The following CSMD1 variants were observed in gnomAD, a reference collection of about 807,000 sequenced individuals.
CSMD1 encodes CUB and sushi domain-containing protein 1.
Under a neutral mutation model 417.5 loss-of-function variants are expected in CSMD1, and 213 were observed. The ratio of observed to expected loss-of-function variants is 0.51; its 90% CI spans 0.46 to 0.57. The LOEUF is 0.57. Among genes scored for constraint, CSMD1 ranks in the 20% least tolerant of loss-of-function variants. The pLI is 0.00. For missense variants in CSMD1, 6,923 were observed against 4,529.7 expected, an observed-to-expected ratio of 1.53 and a Z score of -15.17; for synonymous variants, 2,862 against 1,736.8, an observed-to-expected ratio of 1.65 and a Z score of -16.11.
chr8:4,477,210 G>C (rs949370303), intron 2 of CSMD1, among the ~76,000 whole-genome samples: 2 of 152,116 alleles, frequency 1.3e-5, no homozygotes, highest in East Asian at 3.9e-4. Context: ...CCCAGCCCAG[G>C]TGAGAGGGCT....
chr8:3,009,202 C>T (rs955136440), intron 52 of CSMD1, among the ~76,000 whole-genome samples: 7 of 152,198 alleles, frequency 4.6e-5, no homozygotes, highest in African/African-American at 9.7e-5. Context: ...GAGGGGCCTA[C>T]TTGAAGCTCA....
chr8:4,471,974 G>A (rs1004108590), intron 2 of CSMD1, among the ~76,000 whole-genome samples: 1 of 152,058 alleles, frequency 6.6e-6, no homozygotes, highest in Non-Finnish European at 1.5e-5. Flanking sequence ...CCTTCTAAGC[G>A]ATACGTATTA....
chr8:4,130,846 A>G (rs1339854773), intron 3 of CSMD1, among the ~76,000 whole-genome samples: 1 of 151,374 alleles, frequency 6.6e-6, no homozygotes, highest in Non-Finnish European at 1.5e-5. Flanking sequence ...TATATTATAT[A>G]TATATTATTT....
At chr8:4,430,988 G>C (rs909291216) in intron 2 of CSMD1, among the ~76,000 whole-genome samples, 1 of 152,038 alleles carries the variant, frequency 6.6e-6, no homozygotes, top group Non-Finnish European at 1.5e-5. Context: ...TCTCCCCTCA[G>C]TTATGCCACT....
At chr8:4,489,166 C>A (rs1585156921) in intron 2 of CSMD1, among the ~76,000 whole-genome samples, 1 of 152,146 alleles carries the variant, frequency 6.6e-6, no homozygotes, top group Non-Finnish European at 1.5e-5. Flanking sequence ...CCTGCCTCGG[C>A]CTCCCAAAAT....
At chr8:4,949,706 G>A (rs976436829) in intron 1 of CSMD1, among the ~76,000 whole-genome samples, 1 of 152,096 alleles carries the variant, frequency 6.6e-6, no homozygotes, top group South Asian at 2.1e-4. Context: ...ATTTTAATGG[G>A]ATCATTTGGG....
At chr8:4,787,524 C>T in intron 1 of CSMD1, 2 of 1,138,908 alleles carry the variant, frequency 1.8e-6, no homozygotes, top group Admixed American at 1.9e-5. Context: ...TTATAGGAAG[C>T]AGGTATTAAA....
chr8:4,660,894 G>C (rs895598708), intron 1 of CSMD1, among the ~76,000 whole-genome samples: 1 of 152,144 alleles, frequency 6.6e-6, no homozygotes, highest in African/African-American at 2.4e-5. Context: ...TTAGGGAAAT[G>C]CAAATTACAA....
At chr8:4,095,036 A>G (rs1371291246) in intron 3 of CSMD1, among the ~76,000 whole-genome samples, 1 of 152,196 alleles carries the variant, frequency 6.6e-6, no homozygotes, top group Non-Finnish European at 1.5e-5. Flanking sequence ...ATCTTGAGAA[A>G]GTCATGTAAG....
chr8:4,147,458 T>C (rs1796308384), intron 3 of CSMD1, among the ~76,000 whole-genome samples: 1 of 152,152 alleles, frequency 6.6e-6, no homozygotes, highest in Non-Finnish European at 1.5e-5. Flanking sequence ...CCACGCCTCA[T>C]TTCAATACCC....
In CSMD1 at chr8:4,654,157, C is replaced by T. The variant is rs557910388; in HGVS notation, c.86-16599G>A. ...GCTGCAATTTCTATTTCTCAATTGC[C>T]TTTTCTGTTGTTTCATCTTTGACCT... On this transcript the variant is annotated intron_variant, in intron 1 of 69. Transcript: ENST00000635120. Among the ~76,000 whole-genome samples the T allele has an allele frequency of 2.0e-5, 3 of 152,196 alleles. No individual in the cohort carries two copies. In the East Asian group the frequency reaches 5.8e-4, roughly 29 times the overall value.
At chr8:4,344,455 A>G (rs754085158) in intron 3 of CSMD1, among the ~76,000 whole-genome samples, 2 of 152,012 alleles carry the variant, frequency 1.3e-5, no homozygotes, top group Non-Finnish European at 2.9e-5. Context: ...TCAAAGATGC[A>G]TTCTTTTACA....
At chr8:4,874,871 ATATATAG>A in intron 1 of CSMD1, among the ~76,000 whole-genome samples, 1 of 148,302 alleles carries the variant, frequency 6.7e-6, no homozygotes, top group South Asian at 2.1e-4. Context: ...AGTATAGTGT[ATATATAG>A]TATAGAGTAT....
intron 50 of CSMD1, among the ~76,000 whole-genome samples, chr8:3,039,390 T>A (rs530883954): frequency 3.9e-4 from 57 of 146,172 alleles, no homozygotes; most frequent in African/African-American, 1.4e-3. Flanking sequence ...CTTCCTTCCT[T>A]CCCCCTTCCC....
At chr8:3,523,270 A>G (rs1209092194) in intron 10 of CSMD1, among the ~76,000 whole-genome samples, 10 of 152,322 alleles carry the variant, frequency 6.6e-5, no homozygotes, top group African/African-American at 2.4e-4. Context: ...TTTAAAATAA[A>G]GCCTACATAA....
At chr8:4,441,493 T>C (rs1240364209) in intron 2 of CSMD1, among the ~76,000 whole-genome samples, 1 of 152,074 alleles carries the variant, frequency 6.6e-6, no homozygotes, top group Non-Finnish European at 1.5e-5. Flanking sequence ...TAAGGTATTT[T>C]ACAGAGAGAG....
chr8:4,013,923 T>G (rs371955878), intron 4 of CSMD1, among the ~76,000 whole-genome samples: 10 of 152,154 alleles, frequency 6.6e-5, no homozygotes, highest in African/African-American at 2.4e-4. Flanking sequence ...TGACAAAAAA[T>G]GTTTACCAGC....
chr8:4,305,435 A>C (rs1798194031), intron 3 of CSMD1, among the ~76,000 whole-genome samples: 2 of 152,198 alleles, frequency 1.3e-5, no homozygotes, highest in African/African-American at 4.8e-5. Flanking sequence ...AATCGACTAA[A>C]AGTAAGGTAA....
intron 2 of CSMD1, among the ~76,000 whole-genome samples, chr8:4,550,887 A>G (rs1245939439): frequency 2.6e-5 from 4 of 152,184 alleles, no homozygotes; most frequent in Admixed American, 2.0e-4. Flanking sequence ...ATCATTTTAC[A>G]TACTAGAAAA....
Sources: allele counts gnomAD v4.1 joint callset (sites outside exome capture counted in the v4.1 genomes callset), GRCh38; gene constraint gnomAD v4.1.1; transcripts MANE v1.5; gene names NCBI Gene and HGNC (gene_info 2026-07-23, HGNC 2026-07-21).